The following BAZ1B variants were observed in gnomAD, a reference collection of about 807,000 sequenced individuals.
The protein encoded by BAZ1B is bromodomain adjacent to zinc finger domain 1B.
A neutral mutation model predicts 153.8 loss-of-function variants in BAZ1B; 22 were observed. The observed-to-expected ratio is 0.14, with a 90% CI of 0.10 to 0.20. The LOEUF (loss-of-function observed/expected upper bound fraction) is 0.20, where lower values mean the gene tolerates loss of function less well. Ranked by LOEUF, BAZ1B falls within the 10% of genes least tolerant of loss-of-function variation. The probability of loss-of-function intolerance (pLI) is 1.00; values close to 1 mark genes in which losing one functional copy is unlikely to be tolerated. For missense variants in BAZ1B, 1,325 were observed against 1,799.3 expected (o/e 0.74, Z 4.77); for synonymous variants, 676 against 633.4 (o/e 1.07, Z -1.01).
intron 13 of BAZ1B, among the ~76,000 whole-genome samples, chr7:73,455,413 C>T (rs1447336573): frequency 3.9e-5 from 6 of 152,142 alleles, no homozygotes; most frequent in African/African-American, 2.4e-5. Context: ...AAATCTAATA[C>T]GCAAAACAGA....
At position 73,447,643 on chromosome 7, in the gene BAZ1B, C is replaced by T. The variant is rs149811396; in HGVS notation, c.3729-264G>A. Among the ~76,000 whole-genome samples the T allele has an allele frequency of 1.6e-3, 244 of 152,244 alleles. 1 individual carries two copies. The highest frequency in any genetic ancestry group is 5.7e-3 in the African/African-American group (235 of 41,542). ...ATACCAAAGGCAACAGAAATTAAGA[C>T]CAAAATGCAATCCTACCCTTCCCCA... is the stretch of plus-strand genomic sequence containing the variant. On this transcript the variant is annotated intron_variant, in intron 15 of 19. Coordinates refer to ENST00000339594, the MANE Select transcript of BAZ1B (RefSeq NM_032408.4).
At chr7:73,496,093 A>G (rs904489935) in intron 4 of BAZ1B, among the ~76,000 whole-genome samples, 7 of 152,234 alleles carry the variant, frequency 4.6e-5, no homozygotes, top group Non-Finnish European at 1.0e-4. Context: ...TTAAGAGGAC[A>G]CTTGTAAACT....
At chr7:73,485,334 G>C (rs1183496480) in intron 6 of BAZ1B, among the ~76,000 whole-genome samples, 1 of 152,080 alleles carries the variant, frequency 6.6e-6, no homozygotes, top group Non-Finnish European at 1.5e-5. Context: ...ATAGACAGCA[G>C]ATTAGGCCAG....
chr7:73,505,406 A>C (rs1554577628), intron 3 of BAZ1B, among the ~76,000 whole-genome samples: 1 of 152,142 alleles, frequency 6.6e-6, no homozygotes, highest in Non-Finnish European at 1.5e-5. Context: ...CTCTATACCA[A>C]ACTTGGAACT....
At chr7:73,447,438 G>A (rs62465136) in intron 15 of BAZ1B, 59 bp from the exon 16 acceptor site, 93,755 of 1,551,318 alleles carry the variant, frequency 0.06, 3,114 homozygotes, top group Non-Finnish European at 0.07. Context: ...GTCCTAAGAA[G>A]GGCTCAAATC....
chr7:73,486,618 GC>G (rs1407658499), intron 6 of BAZ1B, among the ~76,000 whole-genome samples: 1 of 152,106 alleles, frequency 6.6e-6, no homozygotes, highest in Non-Finnish European at 1.5e-5. Flanking sequence ...GAGCCACTGC[GC>G]CTGGCCTGCT....
At chr7:73,481,780 G>GTA (rs1458480955) in intron 6 of BAZ1B, among the ~76,000 whole-genome samples, 4 of 152,178 alleles carry the variant, frequency 2.6e-5, no homozygotes, top group African/African-American at 4.8e-5. Context: ...GCTCACGCCT[G>GTA]TAATCCCAGC....
intron 10 of BAZ1B, 60 bp from the exon 11 acceptor site, chr7:73,465,597 A>C: frequency 8.9e-7 from 1 of 1,120,802 alleles, no homozygotes; most frequent in Non-Finnish European, 1.3e-6. Flanking sequence ...AAAATCAAAC[A>C]CTAAGCAAGG....
At chr7:73,515,305 T>C (rs1205933422) in intron 1 of BAZ1B, among the ~76,000 whole-genome samples, 2 of 152,164 alleles carry the variant, frequency 1.3e-5, no homozygotes, top group African/African-American at 4.8e-5. Flanking sequence ...CCCACTGCCA[T>C]GTGGCTTGTC....
At chr7:73,474,775 T>A (rs782787850) in intron 7 of BAZ1B, among the ~76,000 whole-genome samples, 2 of 151,722 alleles carry the variant, frequency 1.3e-5, no homozygotes, top group African/African-American at 2.4e-5. Context: ...CAACTCCGTC[T>A]CCCCCAAAAA....
chr7:73,478,356 TTTC>T lies in BAZ1B; in HGVS notation c.1102_1104del (p.Glu368del). ...TTATTGGGCGACATCATCTTCATCA[TTTC>T]TTCTAGATGTTCTTCAGGAGATTTG... On this transcript the variant is annotated inframe_deletion, in exon 7 of 20. Transcript: ENST00000339594. 6.2e-7 allele frequency: 1 copy of T among 1,612,532 alleles called. No homozygotes were observed.
intron 12 of BAZ1B, among the ~76,000 whole-genome samples, chr7:73,461,094 G>A (rs1202722584): frequency 3.9e-5 from 6 of 152,000 alleles, no homozygotes; most frequent in African/African-American, 1.5e-4. Flanking sequence ...TTCTGCCTCA[G>A]CCTCCCGAGT....
chr7:73,496,679 T>C (rs1263105299), intron 4 of BAZ1B, among the ~76,000 whole-genome samples: 2 of 152,102 alleles, frequency 1.3e-5, no homozygotes, highest in Non-Finnish European at 2.9e-5. Context: ...AAAAACATTA[T>C]TGTTAGAGTC....
chr7:73,469,410 A>G lies in BAZ1B; in HGVS notation c.2866+107T>C, dbSNP rs569913567. 2.8e-6 allele frequency: 4 copies of G among 1,407,570 alleles called. No homozygotes were observed. The South Asian group carries it at 5.3e-5, about 19-fold the overall frequency. 87.2% of individuals were successfully genotyped at this position (1,407,570 alleles called of 1,614,324 possible). On this transcript the variant is annotated intron_variant, in intron 9 of 19. Coordinates refer to ENST00000339594, the MANE Select transcript of BAZ1B (RefSeq NM_032408.4). ...TTCACTCAAATAGATCTAAGACCAC[A>G]ATAAAGAAATTCTGCAAATGGAAAA... is the stretch of plus-strand genomic sequence containing the variant.
chr7:73,479,701 C>A (rs1175362854), intron 6 of BAZ1B, among the ~76,000 whole-genome samples: 2 of 152,030 alleles, frequency 1.3e-5, no homozygotes, highest in African/African-American at 4.8e-5. Flanking sequence ...TTGCTTTACC[C>A]AGATTAAATT....
Position 73,477,203 on chromosome 7 carries a change from C to G in BAZ1B, c.2258G>C (p.Cys753Ser), listed in dbSNP as rs1554572937. The G allele has an allele frequency of 1.9e-6, 3 of 1,614,222 alleles. No individual in the cohort carries two copies. The highest frequency in any genetic ancestry group is 2.5e-6 in the Non-Finnish European group (3 of 1,180,044). Residue 753 changes from cysteine (C) to serine (S), a missense_variant, in exon 7 of 20, where the codon TGC becomes TCC. Coordinates refer to ENST00000339594, the MANE Select transcript of BAZ1B (RefSeq NM_032408.4). The surrounding 1 kb of genome is among the most constrained non-coding windows in gnomAD (Gnocchi z 5.6). ...EEKLQILTAL[C>S]HRILMTYSVQ... is the part of the protein sequence containing the mutation. ...TGAGTATGTCATGAGGATCCGGTGG[C>G]ACAGTGCTGTCAAGATCTGTAGCTT...
chr7:73,463,236 T>TTTA, intron 11 of BAZ1B, 137 bp from the exon 12 acceptor site: 2 of 821,504 alleles, frequency 2.4e-6, no homozygotes, highest in Non-Finnish European at 3.7e-6. Flanking sequence ...TTTTTTCTTT[T>TTTA]TTCTTTTTTT....
At chr7:73,458,197 A>G (rs1554569819) in intron 13 of BAZ1B, among the ~76,000 whole-genome samples, 1 of 152,242 alleles carries the variant, frequency 6.6e-6, no homozygotes, top group African/African-American at 2.4e-5. Context: ...CCAAGTAGAA[A>G]GAGTCAGAAT....
In BAZ1B at chr7:73,450,568, G is replaced by T. The variant is rs1787997681; in HGVS notation, c.3580+279C>A. 6.6e-6 allele frequency among the ~76,000 whole-genome samples: 1 copy of T among 152,100 alleles called. No homozygotes were observed. Among genetic ancestry groups the T allele is most frequent in the Non-Finnish European group, 1.5e-5 (1 of 68,024 alleles). On this transcript the variant is annotated intron_variant, in intron 14 of 19. Transcript: ENST00000339594. The surrounding 1 kb of genome is among the most constrained non-coding windows in gnomAD (Gnocchi z 4.1). ...ATTTAAAACTAAACTAACTAAAATA[G>T]TTACAAGGATTAACTAATTTTGTTT...
Sources: gnomAD v4.1 joint callset for allele counts (sites outside exome capture counted in the v4.1 genomes callset) on GRCh38, gnomAD v4.1.1 for gene constraint, Gnocchi (gnomAD v3.1) non-coding constraint, MANE v1.5 for transcripts, NCBI Gene and HGNC (gene_info 2026-07-23, HGNC 2026-07-21) for gene names.